Variants in CHN2 observed in about 807,000 individuals in gnomAD.
The protein encoded by CHN2 is chimerin 2.
In CHN2, 35 loss-of-function variants were observed where a neutral mutation model predicts 56.3. That is an observed-to-expected ratio of 0.62 (90% CI 0.47 to 0.82). CHN2 has a LOEUF of 0.82. CHN2 is among the 40% of genes least tolerant of loss of function. The probability of loss-of-function intolerance (pLI) is 0.00; values close to 1 mark genes in which losing one functional copy is unlikely to be tolerated. For synonymous variants in CHN2, 210 were observed against 212.8 expected (o/e 0.99, Z 0.12); for missense variants, 491 against 580.5 (o/e 0.85, Z 1.58).
At chr7:29,326,562 G>C (rs995857214) in intron 1 of CHN2, among the ~76,000 whole-genome samples, 1 of 152,214 alleles carries the variant, frequency 6.6e-6, no homozygotes, top group African/African-American at 2.4e-5. Context: ...CACCAGAGCA[G>C]CTCCATACTT....
intron 1 of CHN2, among the ~76,000 whole-genome samples, chr7:29,354,217 C>A (rs1435331291): frequency 1.3e-5 from 2 of 152,170 alleles, no homozygotes; most frequent in Non-Finnish European, 2.9e-5. Flanking sequence ...TGCCGCTTTG[C>A]GTCTTGCCCT....
intron 2 of CHN2, among the ~76,000 whole-genome samples, chr7:29,174,221 G>A (rs1344495654): frequency 6.6e-6 from 1 of 152,106 alleles, no homozygotes; most frequent in Admixed American, 6.5e-5. Flanking sequence ...CCTTAATTAA[G>A]CTGTCAGGAA....
intron 1 of CHN2, among the ~76,000 whole-genome samples, chr7:29,299,186 C>A (rs1008229550): frequency 1.3e-5 from 2 of 152,208 alleles, no homozygotes. Context: ...GGTTCCACCC[C>A]GTGCTCCCAC....
chr7:29,306,107 C>T (rs540185560), intron 1 of CHN2, among the ~76,000 whole-genome samples: 7 of 152,150 alleles, frequency 4.6e-5, no homozygotes, highest in African/African-American at 9.6e-5. Context: ...CTTTCTGTCC[C>T]GTCATAAGTT....
Position 29,242,626 on chromosome 7 carries a change from C to T in CHN2, c.49+47636C>T, listed in dbSNP as rs566426591. Among the ~76,000 whole-genome samples the T allele has an allele frequency of 3.2e-4, 48 of 151,112 alleles. 1 individual carries two copies. In the South Asian group the frequency reaches 9.6e-3, roughly 30 times the overall value. ...TGCCAATTATATTCAGAAAGTATTG[C>T]AATTTCTCTTTGATGCTTATTTACA... On this transcript the variant is annotated intron_variant, in intron 1 of 12. Transcript: ENST00000222792.
chr7:29,390,631 C>A (rs75049342), intron 3 of CHN2, among the ~76,000 whole-genome samples: 3 of 152,142 alleles, frequency 2.0e-5, no homozygotes, highest in African/African-American at 7.2e-5. Flanking sequence ...ACTATCCTGT[C>A]GCCTTCACAC....
At chr7:29,272,869 C>T (rs1205579392) in intron 1 of CHN2, among the ~76,000 whole-genome samples, 3 of 151,970 alleles carry the variant, frequency 2.0e-5, no homozygotes, top group Admixed American at 6.6e-5. Flanking sequence ...AAAATGGTTA[C>T]AATAGTAAAG....
At chr7:29,344,934 C>G (rs1404496321) in intron 1 of CHN2, among the ~76,000 whole-genome samples, 1 of 152,170 alleles carries the variant, frequency 6.6e-6, no homozygotes, top group Non-Finnish European at 1.5e-5. Flanking sequence ...GTTTGGGACC[C>G]TCAGAAGAAT....
intron 6 of CHN2, among the ~76,000 whole-genome samples, chr7:29,412,013 C>T (rs936401660): frequency 3.7e-4 from 57 of 152,204 alleles, no homozygotes; most frequent in African/African-American, 1.4e-3. Flanking sequence ...TCCCACTCAC[C>T]TTACTTGTCA....
intron 1 of CHN2, among the ~76,000 whole-genome samples, chr7:29,277,795 G>A (rs1223729658): frequency 6.6e-6 from 1 of 152,110 alleles, no homozygotes. Context: ...AACCATGATG[G>A]CATCAGCCTC....
rs146490709 is a variant in CHN2, at chr7:29,262,037, G to A, written c.49+67047G>A. Among the ~76,000 whole-genome samples, 1,470 of 152,154 alleles carry A rather than the reference G, an allele frequency of 9.7e-3. 20 individuals are homozygous for A. Among genetic ancestry groups the A allele is most frequent in the African/African-American group, 0.032 (1,333 of 41,494 alleles). ...ACAAAAATTAGCCAGGCATGGTGGCGTGAGCCTGTAATCCCAGCTACTCGG... is the reference window on the plus strand; with the variant it reads ...ACAAAAATTAGCCAGGCATGGTGGCATGAGCCTGTAATCCCAGCTACTCGG... On this transcript the variant is annotated intron_variant, in intron 1 of 12. Coordinates refer to ENST00000222792, the MANE Select transcript of CHN2 (RefSeq NM_004067.4).
At chr7:29,445,486 A>T (rs1163879899) in intron 6 of CHN2, among the ~76,000 whole-genome samples, 1 of 152,206 alleles carries the variant, frequency 6.6e-6, no homozygotes, top group African/African-American at 2.4e-5. Flanking sequence ...TCCTTAAAGC[A>T]TAATAGTACT....
chr7:29,479,665 AGCC>A, intron 6 of CHN2: 1 of 1,030,418 alleles, frequency 9.7e-7, no homozygotes, highest in Non-Finnish European at 1.2e-6. Context: ...AATTGGATGC[AGCC>A]TCAGACTTTG....
In CHN2 at chr7:29,393,712, T is replaced by A; in HGVS notation, c.176+2T>A. The stretch of plus-strand genomic sequence containing the variant: ...CAGACCAAAATATTATGGAAGAGAG[T>A]ATGTATTATACTATTCTTTGTTTTA... On this transcript the variant is annotated splice_donor_variant, in intron 4 of 12. Transcript: ENST00000222792. LOFTEE classifies it high-confidence loss of function. The A allele has an allele frequency of 1.2e-6, 1 of 857,634 alleles. No individual in the cohort carries two copies. The highest frequency in any genetic ancestry group is 1.7e-6 in the Non-Finnish European group (1 of 574,862). The allele number at this position is 857,634 out of a possible 1,614,324, so 53.1% of individuals were successfully genotyped here. A position where few individuals can be genotyped will look rare whatever the true frequency, so the allele number is the denominator to read the frequency against.
At chr7:29,428,310 C>T (rs575837920) in intron 6 of CHN2, among the ~76,000 whole-genome samples, 1 of 152,230 alleles carries the variant, frequency 6.6e-6, no homozygotes, top group African/African-American at 2.4e-5. Flanking sequence ...ACATACATTC[C>T]CACATCTTAG....
intron 1 of CHN2, among the ~76,000 whole-genome samples, chr7:29,317,637 C>T (rs991415538): frequency 5.3e-5 from 8 of 152,170 alleles, no homozygotes; most frequent in Non-Finnish European, 8.8e-5. Flanking sequence ...GCACCTCTTT[C>T]GTATGCCAGA....
intron 1 of CHN2, chr7:29,199,950 C>T (rs1784027028): frequency 6.6e-6 from 1 of 152,286 alleles, no homozygotes; most frequent in Non-Finnish European, 1.5e-5. Flanking sequence ...TGAGAGCTGC[C>T]ACCTGGGGCC....
At chr7:29,496,351 A>G (rs1789283214) in intron 8 of CHN2, among the ~76,000 whole-genome samples, 1 of 152,162 alleles carries the variant, frequency 6.6e-6, no homozygotes, top group Non-Finnish European at 1.5e-5. Context: ...CTGCATAGCT[A>G]GAAAAGCCAT....
intron 1 of CHN2, chr7:29,334,439 C>T (rs965849701): frequency 1.3e-5 from 2 of 152,124 alleles, no homozygotes; most frequent in African/African-American, 2.4e-5. Context: ...AAATTAGAAA[C>T]ATTCTTAATG....
Sources: allele counts gnomAD v4.1 joint callset (sites outside exome capture counted in the v4.1 genomes callset), GRCh38; gene constraint gnomAD v4.1.1; transcripts MANE v1.5; gene names NCBI Gene and HGNC (gene_info 2026-07-23, HGNC 2026-07-21).